The following ANO3 variants were observed in gnomAD, a reference collection of about 807,000 sequenced individuals.
ANO3 encodes anoctamin-3.
ANO3 carries 99 observed loss-of-function variants against 144.8 expected under a neutral mutation model. The observed-to-expected ratio is 0.68, with a 90% confidence interval of 0.58 to 0.81. The LOEUF (loss-of-function observed/expected upper bound fraction) is 0.81, where lower values mean the gene tolerates loss of function less well. ANO3 is among the 30% of genes least tolerant of loss of function. The probability of loss-of-function intolerance (pLI) is 0.00; values close to 1 mark genes in which losing one functional copy is unlikely to be tolerated. For synonymous variants in ANO3, 414 were observed against 392.6 expected (o/e 1.05, Z -0.64); for missense variants, 905 against 1,202.2 (o/e 0.75, Z 3.66).
intron 14 of ANO3, among the ~76,000 whole-genome samples, chr11:26,591,733 G>A (rs980795834): frequency 3.9e-5 from 6 of 152,200 alleles, no homozygotes; most frequent in African/African-American, 1.4e-4. Flanking sequence ...GGAGGGCCAT[G>A]GGGATCCACG....
At chr11:26,195,999 C>T (rs2133907474) in intron 1 of ANO3, among the ~76,000 whole-genome samples, 3 of 152,208 alleles carry the variant, frequency 2.0e-5, no homozygotes, top group Admixed American at 2.0e-4. Context: ...ATTGTTCTGC[C>T]TATTTATCTT....
At chr11:26,427,677 A>G (rs1455665369) in intron 1 of ANO3, among the ~76,000 whole-genome samples, 1 of 152,142 alleles carries the variant, frequency 6.6e-6, no homozygotes, top group Non-Finnish European at 1.5e-5. Context: ...GAATACAACT[A>G]GTAATACTAG....
chr11:26,194,518 G>C (rs1045294983), intron 1 of ANO3, among the ~76,000 whole-genome samples: 9 of 136,442 alleles, frequency 6.6e-5, no homozygotes, highest in Admixed American at 2.3e-4. Flanking sequence ...TTTATTATTT[G>C]AGATGGAGTT....
chr11:26,308,865 C>G (rs1191043131), upstream of ANO3, among the ~76,000 whole-genome samples: 1 of 152,130 alleles, frequency 6.6e-6, no homozygotes, highest in Admixed American at 6.6e-5. Flanking sequence ...TTAGCATGCA[C>G]AAAAGCTAAA....
intron 4 of ANO3, among the ~76,000 whole-genome samples, chr11:26,476,263 T>G (rs1225107587): frequency 6.6e-6 from 1 of 152,108 alleles, no homozygotes; most frequent in Non-Finnish European, 1.5e-5. Flanking sequence ...ATTATCTATT[T>G]GAAGTTGTCC....
chr11:26,361,071 G>A (rs140664753), intron 1 of ANO3, among the ~76,000 whole-genome samples: 1 of 152,236 alleles, frequency 6.6e-6, no homozygotes, highest in East Asian at 1.9e-4. Context: ...TTGGTTTCCA[G>A]GAGTCAGGAA....
intron 1 of ANO3, among the ~76,000 whole-genome samples, chr11:26,301,977 C>A (rs7939678): frequency 0.12 from 18,414 of 151,970 alleles, 2,702 homozygotes; most frequent in African/African-American, 0.35. Flanking sequence ...TATTAATATC[C>A]CAAATCGAAA....
intron 1 of ANO3, among the ~76,000 whole-genome samples, chr11:26,254,992 G>A (rs773376067): frequency 1.3e-5 from 2 of 151,998 alleles, no homozygotes; most frequent in Admixed American, 1.3e-4. Flanking sequence ...TGACAGACCC[G>A]GAATTCAAAT....
chr11:26,438,609 G>GAAAAAAAA (rs1222012718), intron 1 of ANO3, among the ~76,000 whole-genome samples: 1 of 73,300 alleles, frequency 1.4e-5, no homozygotes, highest in Non-Finnish European at 2.4e-5. Flanking sequence ...AAAAAAAAAA[G>GAAAAAAAA]AAAAAAAAAA....
intron 1 of ANO3, among the ~76,000 whole-genome samples, chr11:26,222,348 G>C (rs1852164032): frequency 2.0e-5 from 3 of 152,208 alleles, no homozygotes. Context: ...CATCCCTGTG[G>C]CTTTTCAGGG....
intron 24 of ANO3, among the ~76,000 whole-genome samples, chr11:26,652,185 A>C (rs1385742335): frequency 6.6e-6 from 1 of 152,326 alleles, no homozygotes; most frequent in African/African-American, 2.4e-5. Context: ...GACTAGTTTC[A>C]CTTTAAATTT....
intron 1 of ANO3, among the ~76,000 whole-genome samples, chr11:26,235,620 G>T (rs1163890920): frequency 1.4e-5 from 2 of 148,098 alleles, no homozygotes; most frequent in Admixed American, 6.7e-5. Flanking sequence ...TTGGTCTTTA[G>T]GAGTATTAGT....
chr11:26,412,477 A>T (rs2133987406), intron 1 of ANO3, among the ~76,000 whole-genome samples: 1 of 152,208 alleles, frequency 6.6e-6, no homozygotes, highest in Admixed American at 6.6e-5. Flanking sequence ...TTCAAATAAC[A>T]TCGTAACTGT....
chr11:26,647,641 A>G, intron 23 of ANO3, 68 bp from the exon 24 acceptor site: 1 of 1,454,082 alleles, frequency 6.9e-7, no homozygotes, highest in Non-Finnish European at 9.4e-7. Flanking sequence ...TATTTCCAAA[A>G]TAAGATTAAT....
At chr11:26,243,864 A>C (rs1378508319) in intron 1 of ANO3, among the ~76,000 whole-genome samples, 1 of 152,156 alleles carries the variant, frequency 6.6e-6, no homozygotes, top group Non-Finnish European at 1.5e-5. Context: ...TCACGCCTGT[A>C]ATCCCAGCAC....
intron 10 of ANO3, 49 bp from the exon 11 acceptor site, chr11:26,541,898 A>C: frequency 6.4e-7 from 1 of 1,562,338 alleles, no homozygotes; most frequent in Non-Finnish European, 8.7e-7. Context: ...ACTCAGTTAA[A>C]ATTTCACTAA....
At chr11:26,436,925 G>A (rs1375192897) in intron 1 of ANO3, among the ~76,000 whole-genome samples, 1 of 152,082 alleles carries the variant, frequency 6.6e-6, no homozygotes, top group East Asian at 1.9e-4. Context: ...TTGTAGAACT[G>A]CTCCAGTATT....
At chr11:26,322,551 G>C (rs1854785487) in intron 1 of ANO3, among the ~76,000 whole-genome samples, 1 of 152,006 alleles carries the variant, frequency 6.6e-6, no homozygotes, top group African/African-American at 2.4e-5. Flanking sequence ...CAGTTTTAAG[G>C]ATTATTGGTC....
At chr11:26,498,353 G>T (rs888126918) in intron 4 of ANO3, among the ~76,000 whole-genome samples, 63 of 151,624 alleles carry the variant, frequency 4.2e-4, no homozygotes, top group African/African-American at 1.4e-3. Context: ...AAATAGTCAC[G>T]CAAGGCTATT....
Sources: allele counts gnomAD v4.1 joint callset (sites outside exome capture counted in the v4.1 genomes callset), GRCh38; gene constraint gnomAD v4.1.1; transcripts MANE v1.5; gene names NCBI Gene and HGNC (gene_info 2026-07-23, HGNC 2026-07-21).